Variants in MTUS2 observed in about 807,000 individuals in gnomAD.
MTUS2 encodes the protein microtubule-associated tumor suppressor candidate 2.
MTUS2 carries 40 observed loss-of-function variants against 114.1 expected under a neutral mutation model. The ratio of observed to expected loss-of-function variants is 0.35; its 90% CI spans 0.27 to 0.46. The LOEUF (loss-of-function observed/expected upper bound fraction) is 0.46. Ranked by LOEUF, MTUS2 falls within the 20% of genes least tolerant of loss-of-function variation. The pLI is 1.00. For missense variants in MTUS2, 1,679 were observed against 1,705.4 expected, an observed-to-expected ratio of 0.98 and a Z score of 0.27; for synonymous variants, 688 against 672.0, an observed-to-expected ratio of 1.02 and a Z score of -0.37.
At chr13:29,304,707 C>T (rs1316146434) in intron 6 of MTUS2, among the ~76,000 whole-genome samples, 1 of 152,166 alleles carries the variant, frequency 6.6e-6, no homozygotes, top group Non-Finnish European at 1.5e-5. Context: ...TAACACCCCA[C>T]TGACAATATT....
Position 29,339,538 on chromosome 13 carries a change from C to G in MTUS2, c.2905+14827C>G, listed in dbSNP as rs182784818. The G allele has an allele frequency of 1.6e-3, 252 of 154,228 alleles. 1 individual carries two copies. The highest frequency in any genetic ancestry group is 3.0e-3 in the South Asian group (15 of 4,994). 9.6% of individuals were successfully genotyped at this position (154,228 alleles called of 1,614,324 possible). Reference sequence around the variant, plus strand: ...AGGTGGCGCTTATACAGGCTCCCCTCTGTGCTCCGGCGGGGCGATTTTCAC... The same window carrying G: ...AGGTGGCGCTTATACAGGCTCCCCTGTGTGCTCCGGCGGGGCGATTTTCAC... On this transcript the variant is annotated intron_variant, in intron 7 of 15. Coordinates refer to ENST00000612955, the MANE Select transcript of MTUS2 (RefSeq NM_001033602.4).
chr13:29,014,455 A>T (rs1372071763), intron 2 of MTUS2, among the ~76,000 whole-genome samples: 1 of 152,222 alleles, frequency 6.6e-6, no homozygotes, highest in African/African-American at 2.4e-5. Flanking sequence ...CAGTGCATGG[A>T]GTACTAGCCT....
At chr13:29,427,838 T>C (rs1039432593) in intron 8 of MTUS2, among the ~76,000 whole-genome samples, 2 of 152,242 alleles carry the variant, frequency 1.3e-5, no homozygotes, top group Non-Finnish European at 2.9e-5. Flanking sequence ...TATCAGGGCA[T>C]ATAAAATCAA....
At chr13:28,895,070 G>C (rs910715111) in intron 2 of MTUS2, among the ~76,000 whole-genome samples, 1 of 152,198 alleles carries the variant, frequency 6.6e-6, no homozygotes, top group Admixed American at 6.5e-5. Context: ...AAAATCATTT[G>C]TTCACAGTGG....
At chr13:29,434,840 G>A (rs1409629081) in intron 8 of MTUS2, among the ~76,000 whole-genome samples, 1 of 152,248 alleles carries the variant, frequency 6.6e-6, no homozygotes, top group Non-Finnish European at 1.5e-5. Flanking sequence ...GGGATGATTA[G>A]TGGGTTGTCT....
At position 29,505,581 on chromosome 13, in the gene MTUS2, C is replaced by G. The variant is rs115879748; in HGVS notation, c.*2375C>G. 0.013 allele frequency: 2,914 copies of G among 232,044 alleles called. 79 individuals are homozygous for G. The highest frequency in any genetic ancestry group is 0.061 in the African/African-American group (2,749 of 45,362). 14.4% of individuals were successfully genotyped at this position (232,044 alleles called of 1,614,324 possible). ...CTCCTTCTCAATTCTTCCACCCCCC[C>G]ACACCATCAGAATTCGGATTTCTCT... On this transcript the variant is annotated 3_prime_UTR_variant, in exon 16 of 16. Coordinates refer to ENST00000612955, the MANE Select transcript of MTUS2 (RefSeq NM_001033602.4).
Position 29,306,298 on chromosome 13 carries a change from C to T in MTUS2, c.2807-18315C>T, listed in dbSNP as rs1484779804. 2.0e-5 allele frequency among the ~76,000 whole-genome samples: 3 copies of T among 152,076 alleles called. No individual in the cohort carries two copies. The East Asian group carries it at 5.8e-4, about 29-fold the overall frequency. ...GGAAGTTCTAGCCAGGGCAATCAGG[C>T]AAGAGAATGAAATAAAGATTATTCA... On this transcript the variant is annotated intron_variant, in intron 6 of 15. Transcript: ENST00000612955.
At chr13:29,112,008 C>T (rs915530799) in intron 5 of MTUS2, among the ~76,000 whole-genome samples, 3 of 152,158 alleles carry the variant, frequency 2.0e-5, no homozygotes, top group Non-Finnish European at 2.9e-5. Context: ...CCTATAACTA[C>T]ATCCAGCAGA....
At chr13:29,084,100 A>G (rs1889562191) in intron 4 of MTUS2, among the ~76,000 whole-genome samples, 1 of 152,172 alleles carries the variant, frequency 6.6e-6, no homozygotes, top group Admixed American at 6.5e-5. Flanking sequence ...GATCCCAGGA[A>G]TAAATGTAGT....
chr13:29,201,808 C>A (rs561220920), intron 5 of MTUS2, among the ~76,000 whole-genome samples: 1 of 152,294 alleles, frequency 6.6e-6, no homozygotes, highest in East Asian at 1.9e-4. Flanking sequence ...AAATTCCTTT[C>A]TTTAGGAATG....
intron 2 of MTUS2, among the ~76,000 whole-genome samples, chr13:28,862,590 G>A (rs1877060595): frequency 1.3e-5 from 2 of 152,192 alleles, no homozygotes; most frequent in South Asian, 4.1e-4. Context: ...TCCGGCCTGG[G>A]CGCGGCAGAG....
chr13:29,372,593 T>C (rs1160072909), intron 8 of MTUS2, among the ~76,000 whole-genome samples: 1 of 152,144 alleles, frequency 6.6e-6, no homozygotes, highest in African/African-American at 2.4e-5. Flanking sequence ...GATATTCAGG[T>C]GTTACAGCAG....
chr13:29,036,561 C>G (rs550278475), intron 4 of MTUS2, among the ~76,000 whole-genome samples: 22 of 152,220 alleles, frequency 1.4e-4, no homozygotes, highest in African/African-American at 5.3e-4. Context: ...TCCTGAATAT[C>G]CTTGTTAATT....
chr13:28,993,595 AAGGT>A (rs1884955980), intron 2 of MTUS2, among the ~76,000 whole-genome samples: 1 of 152,096 alleles, frequency 6.6e-6, no homozygotes, highest in South Asian at 2.1e-4. Context: ...TATCTAGAGA[AAGGT>A]AGGGGTCCAG....
chr13:29,458,448 T>C (rs1879265347), intron 9 of MTUS2, among the ~76,000 whole-genome samples: 1 of 152,236 alleles, frequency 6.6e-6, no homozygotes, highest in African/African-American at 2.4e-5. Context: ...ACCCAGAGAA[T>C]TTATAATCAG....
At chr13:29,273,513 G>A (rs1897952909) in intron 5 of MTUS2, among the ~76,000 whole-genome samples, 1 of 151,988 alleles carries the variant, frequency 6.6e-6, no homozygotes, top group South Asian at 2.1e-4. Flanking sequence ...TCCAGCCAGG[G>A]GATCTAGAGA....
At chr13:29,087,382 T>C (rs914631381) in intron 4 of MTUS2, among the ~76,000 whole-genome samples, 1 of 152,238 alleles carries the variant, frequency 6.6e-6, no homozygotes, top group Non-Finnish European at 1.5e-5. Context: ...GTGTTAGTTC[T>C]GTTTATGTGG....
chr13:29,465,670 G>T (rs1005667834), intron 9 of MTUS2, among the ~76,000 whole-genome samples: 1 of 151,892 alleles, frequency 6.6e-6, no homozygotes, highest in Non-Finnish European at 1.5e-5. Context: ...CTGGCCTCAC[G>T]TCCCAAAACT....
intron 5 of MTUS2, among the ~76,000 whole-genome samples, chr13:29,186,361 T>G (rs577850789): frequency 1.7e-4 from 26 of 152,342 alleles, no homozygotes; most frequent in Non-Finnish European, 3.4e-4. Context: ...AACTGTATGC[T>G]ATCTATAAGA....
Sources: allele counts gnomAD v4.1 joint callset (sites outside exome capture counted in the v4.1 genomes callset), GRCh38; gene constraint gnomAD v4.1.1; transcripts MANE v1.5; gene names NCBI Gene and HGNC (gene_info 2026-07-23, HGNC 2026-07-21).